Variants in VKORC1L1 observed in about 807,000 individuals in gnomAD.
The protein encoded by VKORC1L1 is vitamin K epoxide reductase complex subunit 1-like protein 1.
VKORC1L1 carries 2 observed loss-of-function variants against 18.9 expected under a neutral mutation model. That is an observed-to-expected ratio of 0.11 (90% CI 0.04 to 0.33). VKORC1L1 has a LOEUF of 0.33. Ranked by LOEUF, VKORC1L1 falls within the 10% of genes least tolerant of loss-of-function variation. VKORC1L1 has a pLI of 1.00. For synonymous variants in VKORC1L1, 96 were observed against 100.0 expected, an observed-to-expected ratio of 0.96 and a Z score of 0.24; for missense variants, 123 against 224.1, an observed-to-expected ratio of 0.55 and a Z score of 2.88.
chr7:65,870,685 A>G (rs1014866454), upstream of VKORC1L1, among the ~76,000 whole-genome samples: 1 of 152,224 alleles, frequency 6.6e-6, no homozygotes, highest in Admixed American at 6.5e-5. Context: ...TGATCAAGAG[A>G]TCTCATCAAC....
chr7:65,945,430 T>G (rs989415166), intron 1 of VKORC1L1, among the ~76,000 whole-genome samples: 3 of 151,702 alleles, frequency 2.0e-5, no homozygotes, highest in African/African-American at 7.3e-5. Context: ...GCTAACACGG[T>G]GAAACCCCAT....
intron 1 of VKORC1L1, among the ~76,000 whole-genome samples, chr7:65,900,034 T>C (rs1789284414): frequency 6.9e-6 from 1 of 145,332 alleles, no homozygotes; most frequent in Non-Finnish European, 1.5e-5. Context: ...TGTGTGCATG[T>C]GCACGCACGT....
intron 1 of VKORC1L1, among the ~76,000 whole-genome samples, chr7:65,916,701 T>G (rs1789595397): frequency 6.6e-6 from 1 of 151,790 alleles, no homozygotes; most frequent in Admixed American, 6.6e-5. Context: ...CAGGTTCAAG[T>G]GATTCTCCTG....
intron 1 of VKORC1L1, among the ~76,000 whole-genome samples, chr7:65,943,444 G>GAAAAC (rs1466597308): frequency 6.6e-6 from 1 of 152,090 alleles, no homozygotes; most frequent in African/African-American, 2.4e-5. Flanking sequence ...TAAAAATAAT[G>GAAAAC]AAAACAGCAA....
At chr7:65,950,974 C>G (rs1276782628) in intron 2 of VKORC1L1, among the ~76,000 whole-genome samples, 1 of 152,190 alleles carries the variant, frequency 6.6e-6, no homozygotes, top group Non-Finnish European at 1.5e-5. Context: ...AACCTAAGAA[C>G]AGCCTTTGAC....
intron 1 of VKORC1L1, among the ~76,000 whole-genome samples, chr7:65,909,405 A>G (rs1789463047): frequency 6.6e-6 from 1 of 152,094 alleles, no homozygotes; most frequent in Non-Finnish European, 1.5e-5. Context: ...AGAGATCTTA[A>G]AAACAATTTC....
intron 1 of VKORC1L1, among the ~76,000 whole-genome samples, chr7:65,939,427 G>C (rs150520871): frequency 1.1e-3 from 162 of 152,324 alleles, no homozygotes; most frequent in African/African-American, 3.8e-3. Flanking sequence ...GGTGGCAGTG[G>C]GGATGGCTAT....
At chr7:65,952,778 C>CTTTTTTTTTTTTTTTTTTTTTTTTTT (rs11395208) in intron 2 of VKORC1L1, among the ~76,000 whole-genome samples, 2 of 86,612 alleles carry the variant, frequency 2.3e-5, no homozygotes, top group African/African-American at 9.3e-5. Flanking sequence ...TTTTTTTTTC[C>CTTTTTTTTTTTTTTTTTTTTTTTTTT]TTTTTTTTTT....
chr7:65,895,512 TATATAC>T (rs1174399673), intron 1 of VKORC1L1, among the ~76,000 whole-genome samples: 13 of 73,892 alleles, frequency 1.8e-4, no homozygotes, highest in Non-Finnish European at 2.5e-4. Context: ...TATATATATA[TATATAC>T]ACACACACAC....
chr7:65,938,211 A>G (rs941694419), intron 1 of VKORC1L1, among the ~76,000 whole-genome samples: 1 of 152,106 alleles, frequency 6.6e-6, no homozygotes, highest in Non-Finnish European at 1.5e-5. Context: ...AAACCATCTC[A>G]GAAAAAAAAA....
chr7:65,926,142 A>AATTATTATT (rs58145133), intron 1 of VKORC1L1, among the ~76,000 whole-genome samples: 131 of 146,714 alleles, frequency 8.9e-4, no homozygotes, highest in Middle Eastern at 3.6e-3. Context: ...AATTTTAATG[A>AATTATTATT]ATTATTATTA....
chr7:65,954,733 AT>A lies in VKORC1L1; in HGVS notation c.*434del, dbSNP rs1223612104. 5.6e-6 allele frequency: 1 copy of A among 177,932 alleles called. No homozygotes were observed. The highest frequency in any genetic ancestry group is 2.4e-5 in the African/African-American group (1 of 42,198). The allele number at this position is 177,932 out of a possible 1,614,324, so 11.0% of individuals were successfully genotyped here. ...TATTGCCATGTTTACAATATGTAAT[AT>A]GTTTTTAGCCGATGGATTTAAACAT... On this transcript the variant is annotated 3_prime_UTR_variant, in exon 3 of 3. Coordinates refer to ENST00000360768, the MANE Select transcript of VKORC1L1 (RefSeq NM_173517.6).
intron 1 of VKORC1L1, among the ~76,000 whole-genome samples, chr7:65,886,504 G>A (rs28448305): frequency 2.6e-5 from 4 of 151,980 alleles, no homozygotes; most frequent in Non-Finnish European, 5.9e-5. Context: ...AAAGAAGAAG[G>A]TGCCTTTTGA....
intron 2 of VKORC1L1, among the ~76,000 whole-genome samples, chr7:65,950,554 A>G (rs565971823): frequency 6.6e-6 from 1 of 152,290 alleles, no homozygotes; most frequent in East Asian, 1.9e-4. Context: ...GCCCAGTTCC[A>G]TATCTATGTA....
intron 1 of VKORC1L1, among the ~76,000 whole-genome samples, chr7:65,898,351 T>A (rs1282727509): frequency 6.6e-6 from 1 of 151,988 alleles, no homozygotes; most frequent in East Asian, 1.9e-4. Flanking sequence ...CCCAAAGTGT[T>A]GGGATTACAG....
intron 1 of VKORC1L1, among the ~76,000 whole-genome samples, chr7:65,910,554 GT>G (rs1255057107): frequency 1.3e-5 from 2 of 152,286 alleles, no homozygotes; most frequent in East Asian, 3.9e-4. Flanking sequence ...AACTAGTTGT[GT>G]TTGTTGGATG....
chr7:65,886,561 G>A (rs1310183585), intron 1 of VKORC1L1, among the ~76,000 whole-genome samples: 13 of 151,832 alleles, frequency 8.6e-5, no homozygotes, highest in African/African-American at 1.2e-4. Context: ...TTTTTGAGAC[G>A]GAGTCTCACT....
intron 1 of VKORC1L1, among the ~76,000 whole-genome samples, chr7:65,884,024 A>T (rs1245857801): frequency 6.6e-6 from 1 of 152,190 alleles, no homozygotes; most frequent in Non-Finnish European, 1.5e-5. Context: ...CAAAATCAGG[A>T]ATTAAAGTAG....
rs77839929 is a variant in VKORC1L1 at position 65,953,087 on chromosome 7, G to T, written c.305-987G>T. Among the ~76,000 whole-genome samples, 596 of 152,054 alleles carry T rather than the reference G, an allele frequency of 3.9e-3. 3 individuals carry two copies. The highest frequency in any genetic ancestry group is 0.014 in the African/African-American group (563 of 41,460). On this transcript the variant is annotated intron_variant, in intron 2 of 2. Coordinates refer to ENST00000360768, the MANE Select transcript of VKORC1L1 (RefSeq NM_173517.6). ...CCTAGCATTACAGGCATGAGCCACT[G>T]TGCGTGGCTTCAGGTGCCTTTTTGT... is the stretch of plus-strand genomic sequence containing the variant.
Sources: allele counts gnomAD v4.1 joint callset (sites outside exome capture counted in the v4.1 genomes callset), GRCh38; gene constraint gnomAD v4.1.1; transcripts MANE v1.5; gene names NCBI Gene and HGNC (gene_info 2026-07-23, HGNC 2026-07-21).